Variants in PLA2G4A observed in about 807,000 individuals in gnomAD.
PLA2G4A encodes cytosolic phospholipase A2.
PLA2G4A carries 40 observed loss-of-function variants against 81.9 expected under a neutral mutation model. That is an observed-to-expected ratio of 0.49 (90% CI 0.38 to 0.64). The LOEUF (loss-of-function observed/expected upper bound fraction) is 0.64. PLA2G4A is among the 30% of genes least tolerant of loss of function. The probability of loss-of-function intolerance (pLI) is 0.00; values close to 1 mark genes in which losing one functional copy is unlikely to be tolerated. For missense variants in PLA2G4A, 715 were observed against 905.1 expected (o/e 0.79, Z 2.69); for synonymous variants, 302 against 296.9 (o/e 1.02, Z -0.18).
chr1:186,947,104 T>C, intron 12 of PLA2G4A, 143 bp downstream of exon 12: 1 of 610,680 alleles, frequency 1.6e-6, no homozygotes, highest in Non-Finnish European at 2.9e-6. Flanking sequence ...AATCTAAATA[T>C]TTCCTAAAAA....
intron 7 of PLA2G4A, among the ~76,000 whole-genome samples, chr1:186,915,296 G>A (rs1005949799): frequency 6.6e-6 from 1 of 152,164 alleles, no homozygotes; most frequent in Non-Finnish European, 1.5e-5. Flanking sequence ...TTGACAGATA[G>A]CATTTCTCAT....
chr1:186,987,447 C>G (rs1292616835), intron 17 of PLA2G4A, among the ~76,000 whole-genome samples: 1 of 152,240 alleles, frequency 6.6e-6, no homozygotes, highest in Non-Finnish European at 1.5e-5. Flanking sequence ...TGTGGAATAA[C>G]TCTGTGACTT....
intron 17 of PLA2G4A, among the ~76,000 whole-genome samples, chr1:186,980,551 T>C (rs995507654): frequency 6.6e-6 from 1 of 152,216 alleles, no homozygotes; most frequent in African/African-American, 2.4e-5. Context: ...AAAGGCATCA[T>C]GTCTGATTTA....
At chr1:186,889,338 C>T (rs1378754001) in intron 3 of PLA2G4A, among the ~76,000 whole-genome samples, 3 of 152,174 alleles carry the variant, frequency 2.0e-5, no homozygotes, top group East Asian at 1.9e-4. Context: ...ATTGCAAGCC[C>T]TTAATTCCAC....
intron 15 of PLA2G4A, among the ~76,000 whole-genome samples, chr1:186,967,716 C>T (rs1024055298): frequency 2.6e-5 from 4 of 151,976 alleles, no homozygotes; most frequent in African/African-American, 9.7e-5. Context: ...AGGGTGAGAA[C>T]AGCACAGAGA....
intron 3 of PLA2G4A, among the ~76,000 whole-genome samples, chr1:186,886,554 A>G (rs1427007228): frequency 6.6e-6 from 1 of 152,162 alleles, no homozygotes; most frequent in African/African-American, 2.4e-5. Context: ...ATTCAGAGGC[A>G]TTTCGTTCAA....
At chr1:186,834,662 G>A (rs993056405) in intron 1 of PLA2G4A, among the ~76,000 whole-genome samples, 6 of 152,074 alleles carry the variant, frequency 3.9e-5, no homozygotes, top group Non-Finnish European at 7.4e-5. Flanking sequence ...ACTTTGTACA[G>A]TAGTATGTAT....
chr1:186,976,096 T>C (rs576015217), intron 15 of PLA2G4A, among the ~76,000 whole-genome samples: 3 of 152,276 alleles, frequency 2.0e-5, no homozygotes, highest in Admixed American at 6.5e-5. Context: ...TTTATCACAG[T>C]TTTAAGCACA....
intron 17 of PLA2G4A, among the ~76,000 whole-genome samples, chr1:186,981,475 C>A (rs1248775766): frequency 6.6e-6 from 1 of 152,046 alleles, no homozygotes; most frequent in Non-Finnish European, 1.5e-5. Flanking sequence ...AACAACTGTC[C>A]CGACCTATAC....
chr1:186,893,499 C>T lies in PLA2G4A; in HGVS notation c.264+340C>T, dbSNP rs531042896. Among the ~76,000 whole-genome samples, 22 of 152,130 alleles carry T rather than the reference C, an allele frequency of 1.4e-4. No individual in the cohort carries two copies. The South Asian group carries it at 1.7e-3, about 12-fold the overall frequency. On this transcript the variant is annotated intron_variant, in intron 4 of 17. Transcript: ENST00000367466. ...TTAATTTTTCCCAAAATATTTGTAT[C>T]GATTTTCTGCATTAATATCTTTCTC...
intron 5 of PLA2G4A, among the ~76,000 whole-genome samples, chr1:186,895,333 C>A (rs989407551): frequency 2.0e-5 from 3 of 152,192 alleles, no homozygotes; most frequent in Non-Finnish European, 4.4e-5. Context: ...GCCCAGGTAC[C>A]TTGAGGATGC....
intron 15 of PLA2G4A, among the ~76,000 whole-genome samples, chr1:186,976,561 G>A (rs1657537288): frequency 6.6e-6 from 1 of 152,150 alleles, no homozygotes; most frequent in Admixed American, 6.5e-5. Flanking sequence ...AATCTGAGAT[G>A]GAAACATTGA....
At chr1:186,897,740 C>A (rs1044924543) in intron 5 of PLA2G4A, among the ~76,000 whole-genome samples, 1 of 152,120 alleles carries the variant, frequency 6.6e-6, no homozygotes, top group Admixed American at 6.6e-5. Flanking sequence ...AACTCCTAAC[C>A]TCAAGTTATC....
chr1:186,981,088 T>A (rs1657704851), intron 17 of PLA2G4A, among the ~76,000 whole-genome samples: 1 of 152,110 alleles, frequency 6.6e-6, no homozygotes, highest in Admixed American at 6.5e-5. Context: ...AGTTGCATTT[T>A]ATAAAACCTC....
At chr1:186,899,991 A>G (rs1640234390) in intron 5 of PLA2G4A, among the ~76,000 whole-genome samples, 1 of 150,436 alleles carries the variant, frequency 6.6e-6, no homozygotes, top group African/African-American at 2.4e-5. Context: ...TTAGACTTTG[A>G]TTTTATCACT....
rs562817888 is a variant in PLA2G4A at position 186,917,868 on chromosome 1, A to G, written c.558+6479A>G. Among the ~76,000 whole-genome samples, 8 of 152,340 alleles carry G rather than the reference A, an allele frequency of 5.3e-5. No individual in the cohort carries two copies. The East Asian group carries it at 1.2e-3, about 22-fold the overall frequency. ...GCGAAACAGTGGGGCTTTGCCTCGC[A>G]TTGTGCTGTCGGCATGTAATGCACA... On this transcript the variant is annotated intron_variant, in intron 7 of 17. Coordinates refer to ENST00000367466, the MANE Select transcript of PLA2G4A (RefSeq NM_024420.3).
chr1:186,902,152 A>G (rs1002918297), intron 5 of PLA2G4A, among the ~76,000 whole-genome samples: 10 of 152,194 alleles, frequency 6.6e-5, no homozygotes, highest in African/African-American at 2.4e-4. Context: ...TTGCAGCACA[A>G]TGGTAAGTAT....
intron 3 of PLA2G4A, among the ~76,000 whole-genome samples, chr1:186,885,719 A>T (rs968580774): frequency 1.3e-5 from 2 of 152,162 alleles, no homozygotes; most frequent in Admixed American, 1.3e-4. Flanking sequence ...AGATATATAC[A>T]AAATAATCAA....
intron 3 of PLA2G4A, among the ~76,000 whole-genome samples, chr1:186,881,850 A>C (rs1344067341): frequency 6.6e-6 from 1 of 152,064 alleles, no homozygotes; most frequent in Admixed American, 6.6e-5. Flanking sequence ...GGTTAGGGTC[A>C]GTCCATCATC....
Sources: gnomAD v4.1 joint callset for allele counts (sites outside exome capture counted in the v4.1 genomes callset) on GRCh38, gnomAD v4.1.1 for gene constraint, MANE v1.5 for transcripts, NCBI Gene and HGNC (gene_info 2026-07-23, HGNC 2026-07-21) for gene names.